Variants in TPR observed in about 807,000 individuals in gnomAD.
The protein encoded by TPR is translocated promoter region, nuclear basket protein, also known as nucleoprotein TPR.
A neutral mutation model predicts 316.1 loss-of-function variants in TPR; 51 were observed. The ratio of observed to expected loss-of-function variants is 0.16; its 90% CI spans 0.13 to 0.20. TPR has a LOEUF of 0.20. Among genes scored for constraint, TPR ranks in the 10% least tolerant of loss-of-function variants. The probability of loss-of-function intolerance (pLI) is 1.00; values close to 1 mark genes in which losing one functional copy is unlikely to be tolerated. For synonymous variants in TPR, 981 were observed against 914.7 expected (o/e 1.07, Z -1.31); for missense variants, 2,272 against 2,754.8 (o/e 0.82, Z 3.92).
At position 186,311,737 on chromosome 1, in the gene TPR, G is replaced by T; in HGVS notation, c.*2234C>A. 2.2e-6 allele frequency: 2 copies of T among 904,928 alleles called. No individual in the cohort carries two copies. The highest frequency in any genetic ancestry group is 1.7e-5 in the African/African-American group (1 of 59,216). The allele number at this position is 904,928 out of a possible 1,614,324, so 56.1% of individuals were successfully genotyped here. A position where few individuals can be genotyped will look rare whatever the true frequency, so the allele number is the denominator to read the frequency against. ...TTCAGTGAAAAAAATCAATATTGAG[G>T]GTAGTATTCTTATTGCCCTCAATTT... On this transcript the variant is annotated 3_prime_UTR_variant, in exon 51 of 51. Coordinates refer to ENST00000367478, the MANE Select transcript of TPR (RefSeq NM_003292.3).
At chr1:186,373,997 TTAATAAA>T (rs1411569023) in intron 1 of TPR, among the ~76,000 whole-genome samples, 1 of 152,194 alleles carries the variant, frequency 6.6e-6, no homozygotes, top group Non-Finnish European at 1.5e-5. Flanking sequence ...ATGGTGCAAA[TTAATAAA>T]TAGAATGCAA....
At chr1:186,367,530 T>G (rs989402086) in intron 4 of TPR, among the ~76,000 whole-genome samples, 1 of 152,236 alleles carries the variant, frequency 6.6e-6, no homozygotes, top group African/African-American at 2.4e-5. Flanking sequence ...ATGCTTATTA[T>G]ATAGCAAGGA....
intron 9 of TPR, 149 bp from the exon 10 acceptor site, chr1:186,361,054 C>A (rs1659170941): frequency 1.2e-6 from 1 of 848,048 alleles, no homozygotes; most frequent in Admixed American, 3.2e-5. Context: ...AAAGTTCTTG[C>A]TCTACTTATA....
At chr1:186,316,949 AAAAGCCAAACTCTG>A (rs1348491737) in intron 49 of TPR, among the ~76,000 whole-genome samples, 2 of 152,266 alleles carry the variant, frequency 1.3e-5, no homozygotes, top group African/African-American at 4.8e-5. Flanking sequence ...CAAAAATTTG[AAAAGCCAAACTCTG>A]AAACTGTTTA....
chr1:186,372,561 AAATT>A (rs906977284), intron 2 of TPR, among the ~76,000 whole-genome samples: 1 of 152,290 alleles, frequency 6.6e-6, no homozygotes, highest in South Asian at 2.1e-4. Flanking sequence ...AGGAAAAAAA[AAATT>A]AATTACACCT....
At chr1:186,355,586 A>G in intron 16 of TPR, 28 bp from the exon 17 acceptor site, 1 of 1,613,468 alleles carries the variant, frequency 6.2e-7, no homozygotes, top group Non-Finnish European at 8.5e-7. Context: ...TGAGAAGGTA[A>G]CACTGTGTTC....
chr1:186,373,657 T>C (rs1385751272), intron 1 of TPR, among the ~76,000 whole-genome samples, 194 bp from the exon 2 acceptor site: 1 of 152,094 alleles, frequency 6.6e-6, no homozygotes, highest in Non-Finnish European at 1.5e-5. Context: ...TCCAAACGAC[T>C]TACATGACAA....
Position 186,335,330 on chromosome 1 carries a change from C to G in TPR, c.4911+8G>C, listed in dbSNP as rs769907359. 38 of 1,611,518 alleles carry G rather than the reference C, an allele frequency of 2.4e-5. No homozygotes were observed. Among genetic ancestry groups the G allele is most frequent in the Non-Finnish European group, 2.9e-5 (34 of 1,179,072 alleles). ...CAATTTGTTACTTAAGCAGAATTAG[C>G]TAATCACCTTATTAGAAGGTTCTTG... On this transcript the variant is annotated splice_region_variant and intron_variant, in intron 34 of 50. Transcript: ENST00000367478.
intron 10 of TPR, among the ~76,000 whole-genome samples, 196 bp downstream of exon 10, chr1:186,360,569 T>A (rs1043072490): frequency 6.6e-6 from 1 of 152,090 alleles, no homozygotes; most frequent in African/African-American, 2.4e-5. Flanking sequence ...CTGTGTGTGA[T>A]CAAATGGTAT....
intron 49 of TPR, among the ~76,000 whole-genome samples, chr1:186,315,990 T>C (rs1657601214): frequency 1.3e-5 from 2 of 151,182 alleles, no homozygotes; most frequent in Non-Finnish European, 2.9e-5. Context: ...TGTCAAATAT[T>C]TGTTGACCAA....
rs761906613 is a variant in TPR, at chr1:186,320,386, C to T, written c.6494G>A (p.Arg2165Gln). ...SPQVAGVPRF[R>Q]FGPPEDMPQT... ...TGGCATATCTTCAGGTGGCCCAAAC[C>T]GGAATCTAGGGACACCAGCAACCTG... The change falls in exon 46 of 51, where the codon CGG becomes CAG. Residue 2165 changes from arginine to glutamine, a missense_variant. Arg to Gln is a conservative substitution (Grantham distance 43). Around this residue, in one of 10 missense-constraint regions of TPR, gnomAD observed 88 missense variants for 176.2 expected, o/e 0.50. Transcript: ENST00000367478. 3.1e-6 allele frequency: 5 copies of T among 1,612,116 alleles called. No homozygotes were observed. Among genetic ancestry groups the T allele is most frequent in the African/African-American group, 2.7e-5 (2 of 74,890 alleles).
rs573980346 is a variant in TPR at position 186,318,945 on chromosome 1, C to T, written c.6569-117G>A. On this transcript the variant is annotated intron_variant, in intron 46 of 50. Transcript: ENST00000367478. The stretch of plus-strand genomic sequence containing the variant: ...AGATATACAACTTTACTAAAGTCCA[C>T]GATTTAATTATTCCATCAAGCAAAA... 6.7e-5 allele frequency: 61 copies of T among 914,070 alleles called. 1 individual carries two copies. In the African/African-American group the frequency reaches 7.2e-4, roughly 11 times the overall value. The allele number at this position is 914,070 out of a possible 1,614,324, so 56.6% of individuals were successfully genotyped here. A position where few individuals can be genotyped will look rare whatever the true frequency, so the allele number is the denominator to read the frequency against.
chr1:186,357,215 A>T (rs1464703089), intron 14 of TPR, among the ~76,000 whole-genome samples, 182 bp downstream of exon 14: 2 of 151,796 alleles, frequency 1.3e-5, no homozygotes, highest in Non-Finnish European at 2.9e-5. Context: ...CACCCAGCTA[A>T]TTTTTTACTT....
At position 186,312,547 on chromosome 1, in the gene TPR, T is replaced by C. The variant is rs1657343418; in HGVS notation, c.*1424A>G. 1 of 812,358 alleles carries C rather than the reference T, an allele frequency of 1.2e-6. No individual in the cohort carries two copies. The highest frequency in any genetic ancestry group is 1.8e-5 in the South Asian group (1 of 54,614). 50.3% of individuals were successfully genotyped at this position (812,358 alleles called of 1,614,324 possible). The stretch of plus-strand genomic sequence containing the variant: ...GAATAACCAAAGACCAATACTTTCT[T>C]TTTCCTTGTGGGTAAGTAAAGCAGT... On this transcript the variant is annotated 3_prime_UTR_variant, in exon 51 of 51. Coordinates refer to ENST00000367478, the MANE Select transcript of TPR (RefSeq NM_003292.3).
At chr1:186,330,357 G>A (rs1044626791) in intron 39 of TPR, among the ~76,000 whole-genome samples, 2 of 152,052 alleles carry the variant, frequency 1.3e-5, no homozygotes, top group African/African-American at 4.8e-5. Flanking sequence ...TGACTGTAGA[G>A]AGCACTGGCA....
At chr1:186,362,136 T>A (rs1446793461) in intron 7 of TPR, 152 bp downstream of exon 7, 24 of 644,752 alleles carry the variant, frequency 3.7e-5, no homozygotes, top group Non-Finnish European at 5.6e-5. Context: ...TATTTCTGAT[T>A]CTATTTTAGC....
chr1:186,354,142 T>C (rs541207836), intron 17 of TPR, among the ~76,000 whole-genome samples: 218 of 152,336 alleles, frequency 1.4e-3, no homozygotes, highest in African/African-American at 5.0e-3. Context: ...CACTTTTTTT[T>C]TTCTAAATGG....
chr1:186,369,231 C>T (rs932025001), intron 3 of TPR, among the ~76,000 whole-genome samples: 3 of 152,044 alleles, frequency 2.0e-5, no homozygotes, highest in African/African-American at 4.8e-5. Flanking sequence ...GGTTATTATT[C>T]AGGATTTTTA....
Position 186,355,701 on chromosome 1 carries a change from G to T in TPR, c.1956C>A (p.Ser652=), listed in dbSNP as rs377115101. The change falls in exon 16 of 51, where the codon TCC becomes TCA. Residue 652 remains serine, a synonymous_variant. Coordinates refer to ENST00000367478, the MANE Select transcript of TPR (RefSeq NM_003292.3). ...PKRPSTSQTV[S]TPAPVPVIES... ...CAATAACAGGTACTGGAGCAGGAGT[G>T]GAAACAGTCTGTGATGTACTTGGAC... 1.7e-5 allele frequency: 28 copies of T among 1,613,944 alleles called. No individual in the cohort carries two copies. The highest frequency in any genetic ancestry group is 6.7e-5 in the Admixed American group (4 of 60,002).
Sources: gnomAD v4.1 joint callset for allele counts (sites outside exome capture counted in the v4.1 genomes callset) on GRCh38, gnomAD v4.1.1 for gene constraint, gnomAD v4.1.1 regional missense constraint, MANE v1.5 for transcripts, NCBI Gene and HGNC (gene_info 2026-07-23, HGNC 2026-07-21) for gene names.